The following NSFL1C variants were observed in gnomAD, a reference collection of about 807,000 sequenced individuals.
NSFL1C encodes the protein NSFL1 cofactor.
Under a neutral mutation model 43.1 loss-of-function variants are expected in NSFL1C, and 14 were observed. The observed-to-expected ratio is 0.32, with a 90% confidence interval of 0.21 to 0.51. The LOEUF is 0.51. Among genes scored for constraint, NSFL1C ranks in the 20% least tolerant of loss-of-function variants. The pLI is 0.98. For synonymous variants in NSFL1C, 171 were observed against 183.5 expected, an observed-to-expected ratio of 0.93 and a Z score of 0.55; for missense variants, 406 against 472.5, an observed-to-expected ratio of 0.86 and a Z score of 1.30.
intron 8 of NSFL1C, 123 bp downstream of exon 8, chr20:1,445,542 CT>C: frequency 8.8e-7 from 1 of 1,142,414 alleles, no homozygotes; most frequent in Non-Finnish European, 1.3e-6. Context: ...CTCGTGTCTG[CT>C]TTGGGGAAAG....
chr20:1,452,578 C>G lies in NSFL1C; in HGVS notation c.700G>C (p.Asp234His), dbSNP rs2090204917. 5.0e-6 allele frequency: 8 copies of G among 1,614,052 alleles called. No homozygotes were observed. Among genetic ancestry groups the G allele is most frequent in the Non-Finnish European group, 6.8e-6 (8 of 1,180,038 alleles). The change falls in exon 7 of 9, where the codon GAT (aspartate) becomes CAT (histidine). Residue 234 changes from aspartate (D) to histidine (H), a missense_variant. Coordinates refer to ENST00000216879, the MANE Select transcript of NSFL1C (RefSeq NM_016143.5). Reference protein sequence around the residue: ...RLAHGGQVNLDMEDHRDEDFV... With the variant: ...RLAHGGQVNLHMEDHRDEDFV... The stretch of plus-strand genomic sequence containing the variant: ...TCCTCGTCCCGATGGTCCTCCATAT[C>G]CAAGTTCACCTGTCCACCGTGAGCT...
intron 2 of NSFL1C, among the ~76,000 whole-genome samples, chr20:1,461,748 TAA>T (rs1190945306): frequency 4.6e-5 from 7 of 152,268 alleles, no homozygotes; most frequent in South Asian, 2.1e-4. Flanking sequence ...TCCTCATCTG[TAA>T]AATAGGAATA....
intron 7 of NSFL1C, among the ~76,000 whole-genome samples, chr20:1,448,941 A>C (rs531876496): frequency 2.0e-5 from 3 of 152,234 alleles, no homozygotes; most frequent in Non-Finnish European, 4.4e-5. Flanking sequence ...CTCATCAATA[A>C]AACAGAGTTA....
At chr20:1,445,944 C>T in intron 7 of NSFL1C, 114 bp from the exon 8 acceptor site, 1 of 1,151,612 alleles carries the variant, frequency 8.7e-7, no homozygotes, top group Non-Finnish European at 1.2e-6. Flanking sequence ...TTGTTTGGTG[C>T]TGCTGATCTA....
intron 3 of NSFL1C, among the ~76,000 whole-genome samples, chr20:1,457,566 A>G (rs2090327169): frequency 6.6e-6 from 1 of 152,164 alleles, no homozygotes; most frequent in Admixed American, 6.5e-5. Flanking sequence ...CTGTCTTAAG[A>G]TTTTATACCC....
intron 2 of NSFL1C, among the ~76,000 whole-genome samples, chr20:1,462,925 A>C (rs564984396): frequency 4.6e-5 from 7 of 152,342 alleles, no homozygotes; most frequent in African/African-American, 1.7e-4. Context: ...TAAAATTATA[A>C]TAACAACACA....
At chr20:1,454,430 T>G in intron 4 of NSFL1C, 125 bp from the exon 5 acceptor site, 1 of 670,896 alleles carries the variant, frequency 1.5e-6, no homozygotes, top group South Asian at 1.8e-5. Flanking sequence ...TCAAGCTTGT[T>G]AGCTACTAGA....
chr20:1,458,011 G>A (rs778834171), intron 3 of NSFL1C, 189 bp downstream of exon 3: 13 of 470,220 alleles, frequency 2.8e-5, no homozygotes, highest in South Asian at 1.5e-4. Context: ...ATTAAGTAAC[G>A]GAACAGGGGT....
chr20:1,465,582 G>A (rs1451947818), intron 1 of NSFL1C, among the ~76,000 whole-genome samples: 4 of 152,222 alleles, frequency 2.6e-5, no homozygotes, highest in East Asian at 1.9e-4. Flanking sequence ...TGTTTGGGGA[G>A]TAATTTACGT....
chr20:1,461,610 A>T (rs2090413339), intron 2 of NSFL1C, among the ~76,000 whole-genome samples: 1 of 152,202 alleles, frequency 6.6e-6, no homozygotes, highest in Admixed American at 6.5e-5. Context: ...GAGGACTTTG[A>T]ATGTCCACAA....
intron 2 of NSFL1C, among the ~76,000 whole-genome samples, chr20:1,460,478 G>C (rs140995946): frequency 1.3e-5 from 2 of 152,290 alleles, no homozygotes; most frequent in African/African-American, 4.8e-5. Context: ...AGGGATATTA[G>C]CAATTGCACA....
At chr20:1,448,962 GA>G (rs1368180502) in intron 7 of NSFL1C, among the ~76,000 whole-genome samples, 3 of 152,164 alleles carry the variant, frequency 2.0e-5, no homozygotes, top group Admixed American at 2.0e-4. Context: ...AAACTTCCCA[GA>G]TACTTGAGAA....
At chr20:1,463,181 A>AAACATGT (rs564153995) in intron 2 of NSFL1C, among the ~76,000 whole-genome samples, 320 of 152,334 alleles carry the variant, frequency 2.1e-3, no homozygotes, top group Non-Finnish European at 3.2e-3. Flanking sequence ...AGAAAGGAGT[A>AAACATGT]AACATGTAAC....
intron 3 of NSFL1C, among the ~76,000 whole-genome samples, chr20:1,455,409 G>A (rs1163992366): frequency 6.6e-6 from 1 of 152,226 alleles, no homozygotes; most frequent in Non-Finnish European, 1.5e-5. Context: ...GAGTTTATCA[G>A]GTGAACAAAC....
intron 2 of NSFL1C, among the ~76,000 whole-genome samples, chr20:1,461,838 T>C (rs1254294489): frequency 6.6e-6 from 1 of 152,202 alleles, no homozygotes; most frequent in Non-Finnish European, 1.5e-5. Context: ...AAGATGTTCA[T>C]GTAAAAGCTT....
chr20:1,449,015 TACAA>T (rs2122838094), intron 7 of NSFL1C, among the ~76,000 whole-genome samples: 1 of 152,240 alleles, frequency 6.6e-6, no homozygotes, highest in African/African-American at 2.4e-5. Context: ...ATACTAAAAG[TACAA>T]ACAAATGTCT....
chr20:1,449,155 GA>G (rs1358042068), intron 7 of NSFL1C, among the ~76,000 whole-genome samples: 3 of 152,176 alleles, frequency 2.0e-5, no homozygotes, highest in Non-Finnish European at 4.4e-5. Context: ...CTTCTTTGTA[GA>G]ATGGGGATTA....
chr20:1,450,909 TG>T (rs1411012148), intron 7 of NSFL1C, among the ~76,000 whole-genome samples: 1 of 152,164 alleles, frequency 6.6e-6, no homozygotes, highest in Admixed American at 6.5e-5. Context: ...TGATAAAGGA[TG>T]ATAGCCATAC....
intron 2 of NSFL1C, among the ~76,000 whole-genome samples, chr20:1,463,005 AT>A (rs1408251055): frequency 6.6e-6 from 1 of 152,194 alleles, no homozygotes; most frequent in Non-Finnish European, 1.5e-5. Flanking sequence ...TATCATTACC[AT>A]TTGACAGGCG....
Sources: allele counts gnomAD v4.1 joint callset (sites outside exome capture counted in the v4.1 genomes callset), GRCh38; gene constraint gnomAD v4.1.1; transcripts MANE v1.5; gene names NCBI Gene and HGNC (gene_info 2026-07-23, HGNC 2026-07-21).